The following BFSP2 variants were observed in gnomAD, a reference collection of about 807,000 sequenced individuals.
BFSP2 encodes the protein beaded filament structural protein 2.
BFSP2 carries 38 observed loss-of-function variants against 44.9 expected under a neutral mutation model. The ratio of observed to expected loss-of-function variants is 0.85; its 90% CI spans 0.65 to 1.11. BFSP2 has a LOEUF of 1.11. Among genes scored for constraint, BFSP2 ranks in the 50% least tolerant of loss-of-function variants. The probability of loss-of-function intolerance (pLI) is 0.00; values close to 1 mark genes in which losing one functional copy is unlikely to be tolerated. For synonymous variants in BFSP2, 197 were observed against 209.9 expected (o/e 0.94, Z 0.53); for missense variants, 525 against 533.0 (o/e 0.99, Z 0.15).
intron 4 of BFSP2, among the ~76,000 whole-genome samples, chr3:133,465,591 G>A (rs1193140635): frequency 2.0e-5 from 3 of 152,144 alleles, no homozygotes; most frequent in Non-Finnish European, 2.9e-5. Flanking sequence ...CTTGCTCTGG[G>A]GAGAAGTTAA....
intron 1 of BFSP2, among the ~76,000 whole-genome samples, chr3:133,440,014 AT>A (rs2073828779): frequency 1.3e-5 from 2 of 152,174 alleles, no homozygotes; most frequent in African/African-American, 4.8e-5. Flanking sequence ...AGACTGGGTA[AT>A]TCATAAAGAA....
chr3:133,416,766 C>T (rs112256017), intron 1 of BFSP2, among the ~76,000 whole-genome samples: 12,934 of 131,086 alleles, frequency 0.099, 824 homozygotes, highest in Non-Finnish European at 0.12. Flanking sequence ...CCTTTACTTG[C>T]CCCTACACTC....
At chr3:133,464,807 T>C (rs559078077) in intron 4 of BFSP2, among the ~76,000 whole-genome samples, 28 of 152,234 alleles carry the variant, frequency 1.8e-4, no homozygotes, top group South Asian at 1.0e-3. Flanking sequence ...TGGGCAGAAA[T>C]TGAGACTCTG....
chr3:133,439,825 C>T (rs74705370), intron 1 of BFSP2, among the ~76,000 whole-genome samples: 2,257 of 152,212 alleles, frequency 0.015, 50 homozygotes, highest in African/African-American at 0.051. Context: ...CGGAGCACAG[C>T]TTCAAATAAA....
intron 1 of BFSP2, among the ~76,000 whole-genome samples, chr3:133,416,116 C>T (rs1215706576): frequency 6.2e-5 from 9 of 144,694 alleles, no homozygotes; most frequent in East Asian, 2.1e-4. Flanking sequence ...TCTACTCACC[C>T]GTTCTCTCAC....
Position 133,474,907 on chromosome 3 carries a change from T to C in BFSP2, c.1245-62T>C, listed in dbSNP as rs2074200652. ...GATGGCCCCCTTTCTCGTAATCCTATTGTGATAGAATGACCGATTTTCCTC... is the reference window on the plus strand; with the variant it reads ...GATGGCCCCCTTTCTCGTAATCCTACTGTGATAGAATGACCGATTTTCCTC... On this transcript the variant is annotated intron_variant, in intron 6 of 6. Transcript: ENST00000302334. 1.9e-6 allele frequency: 3 copies of C among 1,599,818 alleles called. No homozygotes were observed. In the Middle Eastern group the frequency reaches 5.0e-4, roughly 265 times the overall value.
At chr3:133,463,193 C>T (rs2074079733) in intron 4 of BFSP2, among the ~76,000 whole-genome samples, 2 of 152,106 alleles carry the variant, frequency 1.3e-5, no homozygotes, top group Admixed American at 1.3e-4. Context: ...CCTGTAATCT[C>T]AGCTACTCGG....
At chr3:133,420,914 G>A (rs1344885595) in intron 1 of BFSP2, among the ~76,000 whole-genome samples, 2 of 152,216 alleles carry the variant, frequency 1.3e-5, no homozygotes, top group African/African-American at 2.4e-5. Flanking sequence ...AATCAACTGA[G>A]TTAGAACATA....
Position 133,434,464 on chromosome 3 carries a change from C to T in BFSP2, c.490-12853C>T, listed in dbSNP as rs535862425. Among the ~76,000 whole-genome samples the T allele has an allele frequency of 3.3e-5, 5 of 152,140 alleles. No individual in the cohort carries two copies. The South Asian group carries it at 6.2e-4, about 19-fold the overall frequency. ...CCATTCTCTCTCTCCATACCACCCCCCAAAAATTTTCGCCGCCCCAACACT... is the reference window on the plus strand; with the variant it reads ...CCATTCTCTCTCTCCATACCACCCCTCAAAAATTTTCGCCGCCCCAACACT... On this transcript the variant is annotated intron_variant, in intron 1 of 6. Coordinates refer to ENST00000302334, the MANE Select transcript of BFSP2 (RefSeq NM_003571.4).
At chr3:133,457,001 C>T (rs915736490) in intron 4 of BFSP2, among the ~76,000 whole-genome samples, 1 of 152,164 alleles carries the variant, frequency 6.6e-6, no homozygotes, top group Non-Finnish European at 1.5e-5. Context: ...TTGCTTTTAC[C>T]AACAAGAGTC....
intron 4 of BFSP2, among the ~76,000 whole-genome samples, chr3:133,460,466 C>T (rs763581493): frequency 6.6e-6 from 1 of 152,170 alleles, no homozygotes; most frequent in Non-Finnish European, 1.5e-5. Context: ...GTATGTTGCC[C>T]AGGCTGGTCT....
At chr3:133,466,264 G>A (rs140927124) in intron 4 of BFSP2, among the ~76,000 whole-genome samples, 183 of 152,160 alleles carry the variant, frequency 1.2e-3, no homozygotes, top group Admixed American at 2.6e-3. Flanking sequence ...TTAAGACACA[G>A]GAGAAAATGA....
intron 5 of BFSP2, among the ~76,000 whole-genome samples, chr3:133,471,304 G>T (rs1159193108): frequency 5.3e-5 from 8 of 152,188 alleles, no homozygotes; most frequent in Non-Finnish European, 1.0e-4. Context: ...CCCAGACCAT[G>T]GTGGCTGCAG....
intron 1 of BFSP2, among the ~76,000 whole-genome samples, chr3:133,441,430 C>T (rs1391342035): frequency 3.3e-5 from 5 of 152,080 alleles, no homozygotes; most frequent in Non-Finnish European, 7.4e-5. Context: ...TCAGGTTAAA[C>T]CAGAAAAGAG....
chr3:133,473,358 C>T (rs1576602749), intron 6 of BFSP2, among the ~76,000 whole-genome samples: 1 of 150,366 alleles, frequency 6.7e-6, no homozygotes, highest in East Asian at 1.9e-4. Context: ...CTTTGTCACC[C>T]CATGGTTACC....
rs546357703 is a variant in BFSP2, at chr3:133,468,616, G to A, written c.1023+1657G>A. Among the ~76,000 whole-genome samples the A allele has an allele frequency of 1.2e-4, 19 of 152,300 alleles. No individual in the cohort carries two copies. In the East Asian group the frequency reaches 3.7e-3, roughly 29 times the overall value. On this transcript the variant is annotated intron_variant, in intron 5 of 6. Transcript: ENST00000302334. ...CCTCATATCATGACAGCCTGACATA[G>A]TCAAACTTCTGATATAGCACCTGAG...
At chr3:133,450,187 C>A in intron 3 of BFSP2, 116 bp from the exon 4 acceptor site, 2 of 1,167,232 alleles carry the variant, frequency 1.7e-6, no homozygotes, top group Non-Finnish European at 2.5e-6. Flanking sequence ...AAGCCTGTGT[C>A]TGGCAGTTGT....
At chr3:133,406,862 C>T (rs766467483) in intron 1 of BFSP2, among the ~76,000 whole-genome samples, 3 of 152,134 alleles carry the variant, frequency 2.0e-5, no homozygotes, top group Non-Finnish European at 2.9e-5. Context: ...AAAAACTATA[C>T]GACAAAAAAT....
chr3:133,444,063 G>C (rs1407459508), intron 1 of BFSP2, among the ~76,000 whole-genome samples: 7 of 151,662 alleles, frequency 4.6e-5, no homozygotes, highest in African/African-American at 1.7e-4. Flanking sequence ...GGACTTTTCA[G>C]ATGACTATGG....
Sources: gnomAD v4.1 joint callset for allele counts (sites outside exome capture counted in the v4.1 genomes callset) on GRCh38, gnomAD v4.1.1 for gene constraint, MANE v1.5 for transcripts, NCBI Gene and HGNC (gene_info 2026-07-23, HGNC 2026-07-21) for gene names.